Variants in ANKFN1 observed in about 807,000 individuals in gnomAD.
ANKFN1 encodes ankyrin repeat and fibronectin type-III domain-containing protein 1.
In ANKFN1, 74 loss-of-function variants were observed where a neutral mutation model predicts 108.7. The observed-to-expected ratio is 0.68, with a 90% CI of 0.56 to 0.83. The LOEUF is 0.83. ANKFN1 is among the 40% of genes least tolerant of loss of function. The pLI is 0.00. For missense variants in ANKFN1, 1,505 were observed against 1,382.3 expected, an observed-to-expected ratio of 1.09 and a Z score of -1.41; for synonymous variants, 547 against 516.2, an observed-to-expected ratio of 1.06 and a Z score of -0.81.
At chr17:56,444,027 A>G (rs1157189303) in intron 10 of ANKFN1, among the ~76,000 whole-genome samples, 1 of 152,202 alleles carries the variant, frequency 6.6e-6, no homozygotes, top group Non-Finnish European at 1.5e-5. Flanking sequence ...TACCCTAAGT[A>G]AAAAGAAATG....
intron 4 of ANKFN1, among the ~76,000 whole-genome samples, chr17:56,046,908 G>A (rs1322281273): frequency 1.3e-5 from 2 of 152,172 alleles, no homozygotes; most frequent in African/African-American, 2.4e-5. Context: ...CATCCTCTCA[G>A]CCTGGGGAAA....
intron 3 of ANKFN1, among the ~76,000 whole-genome samples, chr17:56,293,656 C>A (rs1423264961): frequency 2.6e-5 from 4 of 152,156 alleles, no homozygotes; most frequent in Non-Finnish European, 5.9e-5. Context: ...CCACGAAGGA[C>A]AGCACAGAAC....
chr17:56,144,182 A>T (rs79761427), intron 4 of ANKFN1, among the ~76,000 whole-genome samples: 4 of 69,884 alleles, frequency 5.7e-5, no homozygotes, highest in East Asian at 8.6e-4. Flanking sequence ...AAAAAAAAAA[A>T]AAACAGCCCA....
rs2051845111 is a variant in ANKFN1 at position 56,513,926 on chromosome 17, G to A, written c.*2657G>A. Among the ~76,000 whole-genome samples the A allele has an allele frequency of 6.6e-6, 1 of 152,126 alleles. No homozygotes were observed. Among genetic ancestry groups the A allele is most frequent in the Non-Finnish European group, 1.5e-5 (1 of 68,022 alleles). ...CCATACCTTCACTTTGCAATATTTTGTGAGCCCAGTTTAAATTAATACATT... is the reference window on the plus strand; with the variant it reads ...CCATACCTTCACTTTGCAATATTTTATGAGCCCAGTTTAAATTAATACATT... On this transcript the variant is annotated 3_prime_UTR_variant, in exon 21 of 21. Coordinates refer to ENST00000682825, the MANE Select transcript of ANKFN1 (RefSeq NM_001370326.1).
intron 4 of ANKFN1, among the ~76,000 whole-genome samples, chr17:56,061,844 C>T (rs761175207): frequency 1.3e-5 from 2 of 152,160 alleles, no homozygotes; most frequent in Non-Finnish European, 2.9e-5. Flanking sequence ...GATTTGAGAT[C>T]TTTCTAGCTT....
chr17:56,256,427 G>A (rs1170528558), intron 3 of ANKFN1, among the ~76,000 whole-genome samples: 1 of 152,128 alleles, frequency 6.6e-6, no homozygotes, highest in East Asian at 1.9e-4. Context: ...CAGTGTGCGG[G>A]CTTTGCTTTT....
intron 4 of ANKFN1, among the ~76,000 whole-genome samples, chr17:56,347,487 G>A (rs1166671188): frequency 6.6e-6 from 1 of 152,016 alleles, no homozygotes; most frequent in African/African-American, 2.4e-5. Context: ...ACAATATCAA[G>A]ATTCCAATTG....
intron 1 of ANKFN1, among the ~76,000 whole-genome samples, chr17:56,170,659 A>G (rs1910570265): frequency 6.6e-6 from 1 of 150,728 alleles, no homozygotes; most frequent in African/African-American, 2.4e-5. Context: ...GCCACTTGGG[A>G]GGCTGAGGCA....
chr17:56,254,686 C>T (rs769383078), intron 3 of ANKFN1, among the ~76,000 whole-genome samples: 2 of 152,216 alleles, frequency 1.3e-5, no homozygotes, highest in Non-Finnish European at 2.9e-5. Context: ...AAAAAGCCCT[C>T]CATCCAGGTT....
At chr17:56,152,034 A>G (rs1908658492), upstream of ANKFN1, among the ~76,000 whole-genome samples, 2 of 152,170 alleles carry the variant, frequency 1.3e-5, no homozygotes, top group Non-Finnish European at 2.9e-5. Flanking sequence ...CCTTCCATCA[A>G]GGAGATTCCA....
rs78291532 is a variant in ANKFN1 at position 56,126,875 on chromosome 17, C to T, written c.288+80550C>T. Among the ~76,000 whole-genome samples, 502 of 152,264 alleles carry T rather than the reference C, an allele frequency of 3.3e-3. 4 individuals are homozygous for T. Among genetic ancestry groups the T allele is most frequent in the African/African-American group, 0.012 (483 of 41,562 alleles). ...CTAGATATTTAAATTTTTTTTCTGACTTTTCATCAACTAGAAATAGAAGCT... is the reference window on the plus strand; with the variant it reads ...CTAGATATTTAAATTTTTTTTCTGATTTTTCATCAACTAGAAATAGAAGCT... On this transcript the variant is annotated intron_variant, in intron 4 of 12. Coordinates refer to the ANKFN1 transcript ENST00000635860.
chr17:56,465,613 T>C (rs2050046611), intron 14 of ANKFN1, among the ~76,000 whole-genome samples: 2 of 152,236 alleles, frequency 1.3e-5, no homozygotes, highest in Non-Finnish European at 1.5e-5. Flanking sequence ...TCATCCAGTG[T>C]TCTAGCTTAG....
At chr17:56,157,787 A>C (rs951840702) in intron 1 of ANKFN1, among the ~76,000 whole-genome samples, 1 of 152,126 alleles carries the variant, frequency 6.6e-6, no homozygotes, top group Admixed American at 6.5e-5. Context: ...TGTAGGTGTA[A>C]ATCTATAGGT....
At chr17:56,442,990 A>G (rs2049161740) in intron 10 of ANKFN1, 57 bp downstream of exon 10, 19 of 1,556,476 alleles carry the variant, frequency 1.2e-5, no homozygotes, top group Non-Finnish European at 1.4e-5. Context: ...CTGCAACTCC[A>G]TCTTCAGGGT....
intron 4 of ANKFN1, among the ~76,000 whole-genome samples, chr17:56,068,490 T>A (rs1198821705): frequency 1.3e-5 from 2 of 152,098 alleles, no homozygotes; most frequent in African/African-American, 4.8e-5. Context: ...TGTCTTTCCA[T>A]TGTCTCCCAC....
chr17:56,116,295 G>A (rs758169866), intron 4 of ANKFN1, among the ~76,000 whole-genome samples: 1 of 152,080 alleles, frequency 6.6e-6, no homozygotes, highest in Non-Finnish European at 1.5e-5. Context: ...GCCTTATATA[G>A]CAAGTATTGG....
At chr17:56,501,726 G>T (rs1258945470) in intron 20 of ANKFN1, among the ~76,000 whole-genome samples, 1 of 152,156 alleles carries the variant, frequency 6.6e-6, no homozygotes, top group African/African-American at 2.4e-5. Context: ...AAGAAGAGGA[G>T]ACTGTGGAAG....
rs759640610 is a variant in ANKFN1, at chr17:56,466,445, G to A, written c.1647G>A (p.Glu549=). ...HGNILIVTIR[E]VEMLYSFFNG... ...ACATACTCATAGTCACCATCAGGGA[G>A]GTGGAGATGCTTTATTCATTTTTTA... Residue 549 remains glutamate (E), a synonymous_variant, in exon 15 of 21, where the codon GAG becomes GAA. Transcript: ENST00000682825. The A allele has an allele frequency of 6.2e-7, 1 of 1,614,146 alleles. No homozygotes were observed. Among genetic ancestry groups the A allele is most frequent in the Admixed American group, 1.7e-5 (1 of 60,028 alleles).
chr17:56,141,967 G>C (rs1359574571), intron 4 of ANKFN1, among the ~76,000 whole-genome samples: 1 of 118,348 alleles, frequency 8.4e-6, no homozygotes, highest in Non-Finnish European at 1.6e-5. Flanking sequence ...GTCTGGCTCT[G>C]TCGCCCAGGC....
Sources: allele counts gnomAD v4.1 joint callset (sites outside exome capture counted in the v4.1 genomes callset), GRCh38; gene constraint gnomAD v4.1.1; transcripts MANE v1.5; gene names NCBI Gene and HGNC (gene_info 2026-07-23, HGNC 2026-07-21).